MARCHF11: variants seen among roughly 807,000 people sequenced by gnomAD.
MARCHF11 encodes the protein E3 ubiquitin-protein ligase MARCHF11.
Under a neutral mutation model 37.3 loss-of-function variants are expected in MARCHF11, and 29 were observed. That is an observed-to-expected ratio of 0.78 (90% CI 0.58 to 1.06). The LOEUF (loss-of-function observed/expected upper bound fraction) is 1.06. Among genes scored for constraint, MARCHF11 ranks in the 50% least tolerant of loss-of-function variants. The pLI is 0.00. For missense variants in MARCHF11, 482 were observed against 533.4 expected (o/e 0.90, Z 0.95); for synonymous variants, 233 against 228.0 (o/e 1.02, Z -0.20).
intron 2 of MARCHF11, among the ~76,000 whole-genome samples, chr5:16,142,795 G>A (rs1418533434): frequency 2.1e-5 from 3 of 145,376 alleles, no homozygotes; most frequent in Non-Finnish European, 3.0e-5. Flanking sequence ...AGGTTCAAGC[G>A]ATTCTCCTGC....
At chr5:16,128,826 A>T (rs1396505326) in intron 2 of MARCHF11, among the ~76,000 whole-genome samples, 5 of 152,174 alleles carry the variant, frequency 3.3e-5, no homozygotes, top group African/African-American at 1.2e-4. Context: ...AAATGTATTC[A>T]ATATTCAAAA....
At position 16,114,975 on chromosome 5, in the gene MARCHF11, G is replaced by A. The variant is rs185748710; in HGVS notation, c.694-23894C>T. 2.6e-5 allele frequency among the ~76,000 whole-genome samples: 4 copies of A among 152,152 alleles called. No homozygotes were observed. In the East Asian group the frequency reaches 7.7e-4, roughly 29 times the overall value. ...TTTACTTAAGTTCTTCTACTTGATG[G>A]TATTTACTTACAGCATTTAACTGCA... is the stretch of plus-strand genomic sequence containing the variant. On this transcript the variant is annotated intron_variant, in intron 2 of 3. Coordinates refer to ENST00000332432, the MANE Select transcript of MARCHF11 (RefSeq NM_001102562.3).
At chr5:16,104,076 G>T (rs772735456) in intron 2 of MARCHF11, among the ~76,000 whole-genome samples, 4 of 152,132 alleles carry the variant, frequency 2.6e-5, no homozygotes, top group Non-Finnish European at 4.4e-5. Flanking sequence ...GGAGAAACAG[G>T]CCAAAGTTCA....
rs140790686 is a variant in MARCHF11, at chr5:16,171,612, C to T, written c.693+6114G>A. 3.9e-4 allele frequency among the ~76,000 whole-genome samples: 60 copies of T among 152,308 alleles called. No individual in the cohort carries two copies. The East Asian group carries it at 9.4e-3, about 24-fold the overall frequency. ...AAAGTTTTACTGGAACACAGCTATG[C>T]TCATTTATTTATACAGTGTCTGTGG... is the stretch of plus-strand genomic sequence containing the variant. On this transcript the variant is annotated intron_variant, in intron 2 of 3. Coordinates refer to ENST00000332432, the MANE Select transcript of MARCHF11 (RefSeq NM_001102562.3).
At chr5:16,115,258 C>T (rs1202089681) in intron 2 of MARCHF11, among the ~76,000 whole-genome samples, 1 of 152,134 alleles carries the variant, frequency 6.6e-6, no homozygotes, top group African/African-American at 2.4e-5. Flanking sequence ...GTCCTTAATT[C>T]GTCAATTTCC....
chr5:16,090,257 G>C (rs1736769942), intron 3 of MARCHF11, among the ~76,000 whole-genome samples: 1 of 152,164 alleles, frequency 6.6e-6, no homozygotes, highest in South Asian at 2.1e-4. Context: ...CAGTACTAGG[G>C]AACAACAGAT....
chr5:16,068,521 T>G (rs1736386853), intron 3 of MARCHF11, among the ~76,000 whole-genome samples: 1 of 152,206 alleles, frequency 6.6e-6, no homozygotes, highest in African/African-American at 2.4e-5. Flanking sequence ...CAGGCAGGCT[T>G]GCTCCAGGGT....
intron 2 of MARCHF11, among the ~76,000 whole-genome samples, chr5:16,143,568 C>T (rs1737752850): frequency 6.6e-6 from 1 of 152,266 alleles, no homozygotes; most frequent in Admixed American, 6.5e-5. Context: ...CACTGTTCAG[C>T]CGGAATGTGC....
chr5:16,107,324 A>G (rs1276747112), intron 2 of MARCHF11, among the ~76,000 whole-genome samples: 1 of 145,158 alleles, frequency 6.9e-6, no homozygotes, highest in Non-Finnish European at 1.5e-5. Flanking sequence ...GCTTGATGGA[A>G]GCACTATTGT....
chr5:16,071,012 G>A (rs1395992161), intron 3 of MARCHF11, among the ~76,000 whole-genome samples: 1 of 152,092 alleles, frequency 6.6e-6, no homozygotes, highest in Admixed American at 6.6e-5. Context: ...TGGTTATCAG[G>A]TGTGACTACT....
intron 2 of MARCHF11, among the ~76,000 whole-genome samples, chr5:16,105,450 A>C (rs1413085812): frequency 6.6e-6 from 1 of 152,230 alleles, no homozygotes; most frequent in Non-Finnish European, 1.5e-5. Context: ...TATGGTATTA[A>C]TAAAGAACAA....
chr5:16,178,438 T>C (rs1475987801), intron 1 of MARCHF11, among the ~76,000 whole-genome samples: 1 of 152,242 alleles, frequency 6.6e-6, no homozygotes, highest in Non-Finnish European at 1.5e-5. Context: ...ATGATTACTC[T>C]CATATAAGTT....
chr5:16,110,204 T>A (rs2126569731), intron 2 of MARCHF11, among the ~76,000 whole-genome samples: 1 of 152,354 alleles, frequency 6.6e-6, no homozygotes, highest in African/African-American at 2.4e-5. Flanking sequence ...GGGCAAATTA[T>A]ATTCAGATTT....
chr5:16,140,973 T>C (rs1415643393), intron 2 of MARCHF11: 1 of 152,236 alleles, frequency 6.6e-6, no homozygotes, highest in Non-Finnish European at 1.5e-5. Context: ...TAAGCAAATG[T>C]GTGCCTATTC....
intron 2 of MARCHF11, among the ~76,000 whole-genome samples, chr5:16,117,444 T>G (rs1737241310): frequency 6.6e-6 from 1 of 152,248 alleles, no homozygotes; most frequent in African/African-American, 2.4e-5. Context: ...CTTCCTTCTT[T>G]GCACTCCTGA....
At chr5:16,124,331 G>T (rs1036799645) in intron 2 of MARCHF11, among the ~76,000 whole-genome samples, 1 of 152,198 alleles carries the variant, frequency 6.6e-6, no homozygotes, top group Non-Finnish European at 1.5e-5. Context: ...GGCAGGACTG[G>T]ATGACCGGGA....
intron 2 of MARCHF11, among the ~76,000 whole-genome samples, chr5:16,165,614 C>A (rs992820168): frequency 1.3e-5 from 2 of 152,036 alleles, no homozygotes; most frequent in Non-Finnish European, 2.9e-5. Flanking sequence ...TTGGTTTTGT[C>A]TGATGTTTTT....
intron 2 of MARCHF11, among the ~76,000 whole-genome samples, chr5:16,106,983 T>C (rs1371361919): frequency 6.6e-6 from 1 of 152,222 alleles, no homozygotes; most frequent in Non-Finnish European, 1.5e-5. Flanking sequence ...GGCCCATTAC[T>C]CATGGAAATG....
chr5:16,096,729 C>A (rs1204656269), intron 2 of MARCHF11, among the ~76,000 whole-genome samples: 1 of 152,230 alleles, frequency 6.6e-6, no homozygotes, highest in Non-Finnish European at 1.5e-5. Context: ...CTCCAAGTCT[C>A]TTCCTGTACA....
Sources: gnomAD v4.1 joint callset for allele counts (sites outside exome capture counted in the v4.1 genomes callset) on GRCh38, gnomAD v4.1.1 for gene constraint, MANE v1.5 for transcripts, NCBI Gene and HGNC (gene_info 2026-07-23, HGNC 2026-07-21) for gene names.